Variants in PTER observed in about 807,000 individuals in gnomAD.
PTER encodes N-acetyltaurine hydrolase.
Under a neutral mutation model 29.6 loss-of-function variants are expected in PTER, and 38 were observed. That is an observed-to-expected ratio of 1.28 (90% CI 0.99 to 1.68). PTER has a LOEUF of 1.68. Ranked by LOEUF, PTER falls within the 40% of genes most tolerant of loss-of-function variation. The pLI, the probability that PTER is intolerant of heterozygous loss-of-function variation, is 0.00. For synonymous variants in PTER, 172 were observed against 154.5 expected (o/e 1.11, Z -0.84); for missense variants, 482 against 427.8 (o/e 1.13, Z -1.12).
intron 3 of PTER, among the ~76,000 whole-genome samples, chr10:16,502,648 C>T (rs1836394980): frequency 6.6e-6 from 1 of 152,034 alleles, no homozygotes; most frequent in Non-Finnish European, 1.5e-5. Flanking sequence ...GAGAAACTTC[C>T]CGCACCCGTG....
intron 4 of PTER, 96 bp from the exon 5 acceptor site, chr10:16,510,950 G>T: frequency 9.9e-7 from 1 of 1,013,716 alleles, no homozygotes; most frequent in South Asian, 1.4e-5. Flanking sequence ...GTATCTTTAC[G>T]ACAAGCACAA....
chr10:16,466,106 T>C (rs1335696027), intron 1 of PTER, among the ~76,000 whole-genome samples: 1 of 152,108 alleles, frequency 6.6e-6, no homozygotes. Flanking sequence ...GTTCCAAGTA[T>C]GGGAATGGAG....
chr10:16,496,311 C>T (rs1308159993), intron 3 of PTER, among the ~76,000 whole-genome samples: 1 of 152,198 alleles, frequency 6.6e-6, no homozygotes, highest in Non-Finnish European at 1.5e-5. Context: ...GTCACCTTTG[C>T]CTCAGGCACA....
Position 16,512,598 on chromosome 10 carries a change from G to T in PTER, c.*1342G>T, listed in dbSNP as rs1836856298. On this transcript the variant is annotated 3_prime_UTR_variant, in exon 5 of 5. Transcript: ENST00000535784. The stretch of plus-strand genomic sequence containing the variant: ...GCACACCATGCATAACTCTTGGGAA[G>T]TTGAGCTTTGCTAAATAAAAGATAT... The T allele has an allele frequency of 6.6e-6, 1 of 152,092 alleles. No homozygotes were observed. Among genetic ancestry groups the T allele is most frequent in the African/African-American group, 2.4e-5 (1 of 41,426 alleles). The allele number at this position is 152,092 out of a possible 1,614,324, so 9.4% of individuals were successfully genotyped here. A position where few individuals can be genotyped will look rare whatever the true frequency, so the allele number is the denominator to read the frequency against.
intron 3 of PTER, among the ~76,000 whole-genome samples, chr10:16,498,122 TG>T (rs1168750809): frequency 6.6e-6 from 1 of 152,240 alleles, no homozygotes; most frequent in Non-Finnish European, 1.5e-5. Context: ...TAAATGACAT[TG>T]CAATCATTTC....
intron 1 of PTER, among the ~76,000 whole-genome samples, chr10:16,468,353 C>G (rs1307146275): frequency 6.9e-6 from 1 of 144,088 alleles, no homozygotes; most frequent in Non-Finnish European, 1.5e-5. Flanking sequence ...AAACAAAAAA[C>G]TTCCAGGAAA....
intron 1 of PTER, among the ~76,000 whole-genome samples, chr10:16,439,696 C>T (rs935256793): frequency 1.3e-5 from 2 of 152,112 alleles, no homozygotes; most frequent in Non-Finnish European, 2.9e-5. Flanking sequence ...GAATGTTTAT[C>T]CTTAAATATC....
At chr10:16,485,833 C>T (rs547117544) in intron 2 of PTER, among the ~76,000 whole-genome samples, 12 of 152,198 alleles carry the variant, frequency 7.9e-5, no homozygotes, top group Admixed American at 2.0e-4. Flanking sequence ...GTGATGCAAG[C>T]GTGTAGTCCT....
chr10:16,449,219 A>T (rs1313676411), intron 1 of PTER, among the ~76,000 whole-genome samples: 1 of 152,154 alleles, frequency 6.6e-6, no homozygotes, highest in Non-Finnish European at 1.5e-5. Context: ...CCAGCATAGT[A>T]GCCCTCACTC....
chr10:16,474,835 C>T (rs1196328109), intron 1 of PTER, among the ~76,000 whole-genome samples: 2 of 151,996 alleles, frequency 1.3e-5, no homozygotes, highest in South Asian at 2.1e-4. Context: ...TGCAGTGAGC[C>T]GAGATCGCAC....
At chr10:16,442,255 A>G (rs752816589) in intron 1 of PTER, among the ~76,000 whole-genome samples, 4 of 152,196 alleles carry the variant, frequency 2.6e-5, no homozygotes, top group Non-Finnish European at 5.9e-5. Flanking sequence ...TTAAATTTTC[A>G]TAAATTCTCA....
chr10:16,498,959 G>A (rs532424912), intron 3 of PTER, among the ~76,000 whole-genome samples: 1 of 152,324 alleles, frequency 6.6e-6, no homozygotes, highest in East Asian at 1.9e-4. Flanking sequence ...ACGATGGTGA[G>A]TGTGTCTCCG....
At chr10:16,483,517 A>G (rs550005843) in intron 1 of PTER, among the ~76,000 whole-genome samples, 1 of 152,254 alleles carries the variant, frequency 6.6e-6, no homozygotes, top group African/African-American at 2.4e-5. Flanking sequence ...GACCTTCAAC[A>G]GAAATTTGTT....
Position 16,480,248 on chromosome 10 carries a change from G to A in PTER, c.-48-4089G>A, listed in dbSNP as rs1211515200. The stretch of plus-strand genomic sequence containing the variant: ...TCTGTTGTCCAGGCTAGAGTGCAGT[G>A]GCGCAATCTTGACTCACTGCACCCT... On this transcript the variant is annotated intron_variant, in intron 1 of 4. Coordinates refer to ENST00000535784, the MANE Select transcript of PTER (RefSeq NM_001261836.2). 3.4e-5 allele frequency among the ~76,000 whole-genome samples: 5 copies of A among 148,396 alleles called. No homozygotes were observed. In the East Asian group the frequency reaches 1.0e-3, roughly 30 times the overall value.
At chr10:16,496,177 A>G (rs186724159) in intron 3 of PTER, among the ~76,000 whole-genome samples, 158 of 152,314 alleles carry the variant, frequency 1.0e-3, no homozygotes, top group Admixed American at 2.5e-3. Context: ...TTGAATTATT[A>G]TAAGTCTCCA....
At chr10:16,507,510 G>A (rs1192559534) in intron 4 of PTER, among the ~76,000 whole-genome samples, 2 of 152,178 alleles carry the variant, frequency 1.3e-5, no homozygotes, top group Admixed American at 1.3e-4. Context: ...AGGCACACTG[G>A]GTTGAGGGGA....
At chr10:16,479,356 G>A (rs1835393496) in intron 1 of PTER, among the ~76,000 whole-genome samples, 2 of 152,134 alleles carry the variant, frequency 1.3e-5, no homozygotes, top group South Asian at 4.1e-4. Context: ...GAGAGTAGAA[G>A]CATGATGACT....
At chr10:16,446,233 T>G (rs1238918066) in intron 1 of PTER, among the ~76,000 whole-genome samples, 1 of 151,814 alleles carries the variant, frequency 6.6e-6, no homozygotes, top group Non-Finnish European at 1.5e-5. Context: ...TTTTTTTTTT[T>G]TTGAGATAGA....
At chr10:16,476,488 TA>T (rs1835268515) in intron 1 of PTER, among the ~76,000 whole-genome samples, 1 of 152,182 alleles carries the variant, frequency 6.6e-6, no homozygotes, top group African/African-American at 2.4e-5. Flanking sequence ...GTGAGGAAAC[TA>T]AGTCATGAGA....
Sources: allele counts gnomAD v4.1 joint callset (sites outside exome capture counted in the v4.1 genomes callset), GRCh38; gene constraint gnomAD v4.1.1; transcripts MANE v1.5; gene names NCBI Gene and HGNC (gene_info 2026-07-23, HGNC 2026-07-21).